ARMC3: variants seen among roughly 807,000 people sequenced by gnomAD.
The protein encoded by ARMC3 is armadillo repeat containing 3.
A neutral mutation model predicts 90.3 loss-of-function variants in ARMC3; 74 were observed. The observed-to-expected ratio is 0.82, with a 90% CI of 0.68 to 0.99. The LOEUF is 0.99. ARMC3 is among the 50% of genes least tolerant of loss of function. The pLI is 0.00. For synonymous variants in ARMC3, 334 were observed against 361.8 expected, an observed-to-expected ratio of 0.92 and a Z score of 0.87; for missense variants, 958 against 1,042.8, an observed-to-expected ratio of 0.92 and a Z score of 1.12.
intron 2 of ARMC3, among the ~76,000 whole-genome samples, chr10:22,945,601 T>C (rs936199185): frequency 8.5e-5 from 13 of 152,332 alleles, no homozygotes; most frequent in Middle Eastern, 3.4e-3. Flanking sequence ...CATATGTACT[T>C]CCTGCTTTTC....
At chr10:22,967,117 C>T (rs1835475397) in intron 7 of ARMC3, among the ~76,000 whole-genome samples, 1 of 152,108 alleles carries the variant, frequency 6.6e-6, no homozygotes, top group South Asian at 2.1e-4. Flanking sequence ...AATTCGAGTC[C>T]AGGGGTGCTG....
At chr10:22,932,456 C>T (rs1321782747) in intron 2 of ARMC3, among the ~76,000 whole-genome samples, 5 of 152,206 alleles carry the variant, frequency 3.3e-5, no homozygotes, top group Non-Finnish European at 7.3e-5. Flanking sequence ...GTGATGACCA[C>T]TGCACGTGAG....
rs767114394 is a variant in ARMC3 at position 22,959,373 on chromosome 10, TTG to T, written c.362-22_362-21del. ...GCTGAATAATAAGCAGTTGGCATAC[TTG>T]TGTTATTTATTTTTGATACACAGAA... On this transcript the variant is annotated intron_variant, in intron 5 of 18. Coordinates refer to ENST00000298032, the MANE Select transcript of ARMC3 (RefSeq NM_173081.5). 5.7e-6 allele frequency: 9 copies of T among 1,579,304 alleles called. No homozygotes were observed. The African/African-American group carries it at 1.2e-4, about 22-fold the overall frequency.
At chr10:22,982,326 C>T (rs1334136381) in intron 10 of ARMC3, among the ~76,000 whole-genome samples, 5 of 152,178 alleles carry the variant, frequency 3.3e-5, no homozygotes, top group Admixed American at 1.3e-4. Flanking sequence ...TGCAGTGAGC[C>T]GAGCTCGTGC....
intron 11 of ARMC3, among the ~76,000 whole-genome samples, chr10:22,999,021 G>A (rs1021059616): frequency 2.0e-5 from 3 of 152,222 alleles, no homozygotes; most frequent in African/African-American, 7.2e-5. Context: ...ATGTAATTGG[G>A]TGGAACACCT....
chr10:23,010,835 C>T (rs982741162), intron 16 of ARMC3, among the ~76,000 whole-genome samples: 1 of 120,782 alleles, frequency 8.3e-6, no homozygotes, highest in African/African-American at 3.1e-5. Flanking sequence ...CTCTCCTCTC[C>T]TTCCCTTGCC....
At chr10:23,006,803 G>T in intron 13 of ARMC3, 81 bp from the exon 14 acceptor site, 1 of 1,128,882 alleles carries the variant, frequency 8.9e-7, no homozygotes, top group South Asian at 1.2e-5. Context: ...GCAAACAGCT[G>T]AGAATATATT....
intron 6 of ARMC3, chr10:22,959,977 G>A (rs2131252823): frequency 2.7e-6 from 1 of 368,590 alleles, no homozygotes; most frequent in Non-Finnish European, 5.3e-6. Context: ...AGGCTTATTT[G>A]TTGCTAAAAA....
In ARMC3 at chr10:22,978,302, A is replaced by G. The variant is rs558390435; in HGVS notation, c.917-3038A>G. 2.6e-5 allele frequency among the ~76,000 whole-genome samples: 4 copies of G among 152,310 alleles called. No individual in the cohort carries two copies. In the East Asian group the frequency reaches 7.7e-4, roughly 29 times the overall value. On this transcript the variant is annotated intron_variant, in intron 8 of 18. Coordinates refer to ENST00000298032, the MANE Select transcript of ARMC3 (RefSeq NM_173081.5). Reference sequence around the variant, plus strand: ...TGGGGAAGGCCTCAGGAAACTTATAATCATGGCAGTAAGCACCTCTTTGCA... The same window carrying G: ...TGGGGAAGGCCTCAGGAAACTTATAGTCATGGCAGTAAGCACCTCTTTGCA...
At chr10:22,955,769 A>C in intron 3 of ARMC3, 38 bp from the exon 4 acceptor site, 1 of 1,610,486 alleles carries the variant, frequency 6.2e-7, no homozygotes, top group Non-Finnish European at 8.5e-7. Flanking sequence ...TGAGATCGAT[A>C]ATATCCATGT....
chr10:22,933,235 A>G (rs919468419), intron 2 of ARMC3, among the ~76,000 whole-genome samples: 5 of 152,028 alleles, frequency 3.3e-5, no homozygotes, highest in Non-Finnish European at 7.4e-5. Flanking sequence ...CTCTTAGGAC[A>G]TATTCCTAAA....
chr10:23,012,186 A>G (rs1206943756), intron 16 of ARMC3, among the ~76,000 whole-genome samples: 1 of 152,070 alleles, frequency 6.6e-6, no homozygotes, highest in African/African-American at 2.4e-5. Flanking sequence ...CATTTTGTGT[A>G]CTTGTGAATA....
chr10:23,021,251 C>T (rs1276654876), intron 16 of ARMC3, among the ~76,000 whole-genome samples: 7 of 152,086 alleles, frequency 4.6e-5, no homozygotes, highest in African/African-American at 1.7e-4. Flanking sequence ...TATTTGCTAT[C>T]GTGAATAGTG....
intron 2 of ARMC3, among the ~76,000 whole-genome samples, chr10:22,933,652 G>T (rs1442801658): frequency 6.6e-6 from 1 of 152,128 alleles, no homozygotes; most frequent in African/African-American, 2.4e-5. Context: ...TTGGGAGGCT[G>T]AGGCGGGCGG....
chr10:22,962,181 T>C (rs1835229156), intron 7 of ARMC3, 103 bp downstream of exon 7: 2 of 821,756 alleles, frequency 2.4e-6, no homozygotes. Context: ...GTGTAATAGA[T>C]TAATTTGCTT....
At chr10:22,999,598 T>C (rs182213239) in intron 11 of ARMC3, among the ~76,000 whole-genome samples, 4 of 152,346 alleles carry the variant, frequency 2.6e-5, no homozygotes, top group African/African-American at 7.2e-5. Context: ...TACATGCATT[T>C]AAGCCTCATT....
At chr10:22,977,253 T>TA (rs939857436) in intron 8 of ARMC3, among the ~76,000 whole-genome samples, 1 of 152,204 alleles carries the variant, frequency 6.6e-6, no homozygotes, top group Non-Finnish European at 1.5e-5. Context: ...CTTAAGAAAT[T>TA]AAAAAACCTG....
intron 3 of ARMC3, among the ~76,000 whole-genome samples, chr10:22,953,657 C>T (rs545720264): frequency 7.2e-4 from 110 of 152,254 alleles, no homozygotes; most frequent in Non-Finnish European, 1.2e-3. Flanking sequence ...CTTTATTCAA[C>T]ATTGTATGGG....
intron 3 of ARMC3, among the ~76,000 whole-genome samples, chr10:22,949,025 C>A (rs1834641027): frequency 6.6e-6 from 1 of 152,130 alleles, no homozygotes; most frequent in Non-Finnish European, 1.5e-5. Flanking sequence ...GCAGAAACTT[C>A]AGAATTCATG....
Sources: allele counts gnomAD v4.1 joint callset (sites outside exome capture counted in the v4.1 genomes callset), GRCh38; gene constraint gnomAD v4.1.1; transcripts MANE v1.5; gene names NCBI Gene and HGNC (gene_info 2026-07-23, HGNC 2026-07-21).